The following TDRD3 variants were observed in gnomAD, a reference collection of about 807,000 sequenced individuals.
The protein encoded by TDRD3 is tudor domain-containing protein 3.
Under a neutral mutation model 86.7 loss-of-function variants are expected in TDRD3, and 45 were observed. The ratio of observed to expected loss-of-function variants is 0.52; its 90% CI spans 0.41 to 0.67. The LOEUF is 0.67. Ranked by LOEUF, TDRD3 falls within the 30% of genes least tolerant of loss-of-function variation. The probability of loss-of-function intolerance (pLI) is 0.00; values close to 1 mark genes in which losing one functional copy is unlikely to be tolerated. For synonymous variants in TDRD3, 298 were observed against 301.7 expected (o/e 0.99, Z 0.13); for missense variants, 814 against 889.0 (o/e 0.92, Z 1.07).
At chr13:60,407,289 CT>C (rs1389440737) in intron 1 of TDRD3, among the ~76,000 whole-genome samples, 3 of 152,204 alleles carry the variant, frequency 2.0e-5, no homozygotes, top group Non-Finnish European at 4.4e-5. Context: ...CACTTAAATA[CT>C]TGTGGAATGA....
chr13:60,541,953 C>A (rs1333071609), intron 12 of TDRD3, among the ~76,000 whole-genome samples: 2 of 151,808 alleles, frequency 1.3e-5, no homozygotes, highest in Non-Finnish European at 2.9e-5. Context: ...TCTCGAACTC[C>A]CGACCTCAGG....
intron 4 of TDRD3, among the ~76,000 whole-genome samples, chr13:60,463,442 T>C (rs1175985895): frequency 6.7e-6 from 1 of 149,882 alleles, no homozygotes; most frequent in Non-Finnish European, 1.5e-5. Flanking sequence ...CTTCAAGACA[T>C]TGGTCTGGGC....
intron 12 of TDRD3, among the ~76,000 whole-genome samples, chr13:60,541,458 T>C (rs1001608248): frequency 6.6e-6 from 1 of 151,986 alleles, no homozygotes; most frequent in African/African-American, 2.4e-5. Context: ...TGAGCCACCT[T>C]GCCCAGTCCA....
chr13:60,447,827 A>C (rs955506461), intron 3 of TDRD3, among the ~76,000 whole-genome samples: 3 of 152,190 alleles, frequency 2.0e-5, no homozygotes, highest in Non-Finnish European at 4.4e-5. Context: ...GTATTTAAGA[A>C]GCAAAGAGTT....
At chr13:60,408,241 A>C (rs1022169634) in intron 1 of TDRD3, among the ~76,000 whole-genome samples, 3 of 152,174 alleles carry the variant, frequency 2.0e-5, no homozygotes, top group Non-Finnish European at 4.4e-5. Context: ...TGGAACTGTA[A>C]GTCCAATTAA....
chr13:60,421,795 G>A (rs1594912372), intron 1 of TDRD3, among the ~76,000 whole-genome samples: 1 of 152,202 alleles, frequency 6.6e-6, no homozygotes, highest in Non-Finnish European at 1.5e-5. Context: ...GGGCTTTGGT[G>A]ATCCAAGGCA....
intron 1 of TDRD3, among the ~76,000 whole-genome samples, chr13:60,418,772 A>G (rs1394928122): frequency 6.6e-6 from 1 of 152,208 alleles, no homozygotes; most frequent in African/African-American, 2.4e-5. Context: ...TTTTTCTGAC[A>G]TCTGGCATCA....
chr13:60,449,185 T>C (rs1279596079), intron 3 of TDRD3, among the ~76,000 whole-genome samples: 1 of 152,114 alleles, frequency 6.6e-6, no homozygotes, highest in Admixed American at 6.6e-5. Flanking sequence ...AGAAAAGGAA[T>C]TGAAAAAAGT....
At chr13:60,424,808 A>T (rs1366751389) in intron 1 of TDRD3, among the ~76,000 whole-genome samples, 49 of 152,184 alleles carry the variant, frequency 3.2e-4, no homozygotes, top group Admixed American at 3.2e-3. Context: ...CTTTCCTCCT[A>T]GACCCTGGCA....
intron 12 of TDRD3, 86 bp downstream of exon 12, chr13:60,535,319 T>A: frequency 7.1e-7 from 1 of 1,410,530 alleles, no homozygotes; most frequent in East Asian, 2.5e-5. Flanking sequence ...ATACAAAATA[T>A]GCAAGTGGAA....
At chr13:60,505,684 T>A (rs922866686) in intron 8 of TDRD3, among the ~76,000 whole-genome samples, 1 of 152,138 alleles carries the variant, frequency 6.6e-6, no homozygotes, top group Non-Finnish European at 1.5e-5. Flanking sequence ...GAGAAGAACA[T>A]AAATGACCCG....
chr13:60,400,575 A>G (rs1566164055), intron 1 of TDRD3, among the ~76,000 whole-genome samples: 1 of 152,022 alleles, frequency 6.6e-6, no homozygotes, highest in Non-Finnish European at 1.5e-5. Context: ...TCTCTACTAA[A>G]AATACAAAAA....
At chr13:60,569,117 C>T (rs1331082946) in intron 13 of TDRD3, among the ~76,000 whole-genome samples, 1 of 152,052 alleles carries the variant, frequency 6.6e-6, no homozygotes, top group African/African-American at 2.4e-5. Context: ...CACAGGTGCA[C>T]ACCACCATGC....
chr13:60,523,382 T>C (rs1480442051), intron 10 of TDRD3, among the ~76,000 whole-genome samples: 3 of 152,248 alleles, frequency 2.0e-5, no homozygotes, highest in African/African-American at 4.8e-5. Context: ...ATGTAAAACA[T>C]TGTAGTCAAT....
intron 1 of TDRD3, among the ~76,000 whole-genome samples, chr13:60,402,912 G>T (rs1954140697): frequency 6.6e-6 from 1 of 152,040 alleles, no homozygotes; most frequent in African/African-American, 2.4e-5. Context: ...CTTCTATTTT[G>T]AAATATTTTC....
chr13:60,495,480 T>C (rs1956692886), intron 8 of TDRD3, among the ~76,000 whole-genome samples: 1 of 152,008 alleles, frequency 6.6e-6, no homozygotes, highest in Admixed American at 6.5e-5. Context: ...TTTTTTTTTT[T>C]GAGATGGCAT....
chr13:60,472,055 T>G (rs967952871), intron 5 of TDRD3, among the ~76,000 whole-genome samples: 2 of 152,128 alleles, frequency 1.3e-5, no homozygotes, highest in East Asian at 3.8e-4. Context: ...CTATTTTTAG[T>G]TTGTCGTATA....
intron 1 of TDRD3, among the ~76,000 whole-genome samples, chr13:60,399,259 C>T (rs937209922): frequency 1.3e-5 from 2 of 152,212 alleles, no homozygotes; most frequent in African/African-American, 2.4e-5. Context: ...AGAGTCCCAC[C>T]CTGCTTCGTT....
At chr13:60,492,590 C>A (rs1463961283) in intron 7 of TDRD3, among the ~76,000 whole-genome samples, 4 of 152,184 alleles carry the variant, frequency 2.6e-5, no homozygotes, top group Non-Finnish European at 4.4e-5. Flanking sequence ...AACTGTGCTA[C>A]CTTGCCTCCT....
Sources: gnomAD v4.1 joint callset for allele counts (sites outside exome capture counted in the v4.1 genomes callset) on GRCh38, gnomAD v4.1.1 for gene constraint, MANE v1.5 for transcripts, NCBI Gene and HGNC (gene_info 2026-07-23, HGNC 2026-07-21) for gene names.